Variants in THSD7A observed in about 807,000 individuals in gnomAD.
THSD7A encodes the protein thrombospondin type-1 domain-containing protein 7A.
A neutral mutation model predicts 231.3 loss-of-function variants in THSD7A; 96 were observed. That is an observed-to-expected ratio of 0.41 (90% CI 0.35 to 0.49). The LOEUF is 0.49. Among genes scored for constraint, THSD7A ranks in the 20% least tolerant of loss-of-function variants. The pLI is 0.05. For synonymous variants in THSD7A, 940 were observed against 743.3 expected, an observed-to-expected ratio of 1.26 and a Z score of -4.30; for missense variants, 2,290 against 2,070.2, an observed-to-expected ratio of 1.11 and a Z score of -2.06.
intron 4 of THSD7A, among the ~76,000 whole-genome samples, chr7:11,561,155 T>A (rs1473487271): frequency 6.6e-6 from 1 of 152,144 alleles, no homozygotes; most frequent in Non-Finnish European, 1.5e-5. Context: ...TACTACTCCA[T>A]GTAATCTTGG....
At chr7:11,566,348 C>A (rs1790323771) in intron 4 of THSD7A, among the ~76,000 whole-genome samples, 1 of 152,168 alleles carries the variant, frequency 6.6e-6, no homozygotes, top group Admixed American at 6.5e-5. Flanking sequence ...GAAGCAGATT[C>A]CTGGGTTCTA....
At chr7:11,736,297 ATTTAATATATT>A (rs1236134905) in intron 1 of THSD7A, among the ~76,000 whole-genome samples, 3 of 151,976 alleles carry the variant, frequency 2.0e-5, no homozygotes, top group Non-Finnish European at 4.4e-5. Context: ...ATTTAGTAAT[ATTTAATATATT>A]TGATGGCCAG....
At chr7:11,417,778 A>G (rs752782139) in intron 16 of THSD7A, among the ~76,000 whole-genome samples, 175 bp from the exon 17 acceptor site, 17 of 152,226 alleles carry the variant, frequency 1.1e-4, no homozygotes, top group Non-Finnish European at 2.2e-4. Flanking sequence ...ATGAAGACTT[A>G]AAAGGATCTT....
intron 8 of THSD7A, 144 bp from the exon 9 acceptor site, chr7:11,470,138 TA>T (rs1280047031): frequency 1.5e-6 from 1 of 648,982 alleles, no homozygotes; most frequent in East Asian, 2.9e-5. Flanking sequence ...TTCTTTCTGC[TA>T]CAGGCAAGAA....
chr7:11,430,358 A>G (rs1784443046), intron 13 of THSD7A, among the ~76,000 whole-genome samples: 1 of 152,148 alleles, frequency 6.6e-6, no homozygotes, highest in South Asian at 2.1e-4. Flanking sequence ...GCCACTTCCT[A>G]CTTTCCCCTT....
intron 2 of THSD7A, among the ~76,000 whole-genome samples, chr7:11,631,493 T>C (rs1781652495): frequency 6.6e-6 from 1 of 152,134 alleles, no homozygotes; most frequent in Non-Finnish European, 1.5e-5. Context: ...TATCTGCAAT[T>C]CTGGAATTTG....
chr7:11,725,905 T>C (rs981679433), intron 1 of THSD7A, among the ~76,000 whole-genome samples: 2 of 151,990 alleles, frequency 1.3e-5, no homozygotes, highest in African/African-American at 4.8e-5. Flanking sequence ...TGTTGCAACA[T>C]AAAATTTTAC....
intron 6 of THSD7A, among the ~76,000 whole-genome samples, chr7:11,496,810 A>C (rs1787121576): frequency 6.6e-6 from 1 of 152,182 alleles, no homozygotes; most frequent in South Asian, 2.1e-4. Flanking sequence ...AAAATAAACA[A>C]ATGAAAACAT....
intron 1 of THSD7A, among the ~76,000 whole-genome samples, chr7:11,787,161 G>C (rs1783817989): frequency 6.6e-6 from 1 of 152,000 alleles, no homozygotes; most frequent in African/African-American, 2.4e-5. Flanking sequence ...ATATAATAGA[G>C]AAAAGGCAAT....
At chr7:11,712,599 G>A (rs1781003278) in intron 1 of THSD7A, among the ~76,000 whole-genome samples, 1 of 148,518 alleles carries the variant, frequency 6.7e-6, no homozygotes. Context: ...CATGAGGCCA[G>A]CTATTGACCA....
At chr7:11,727,529 CA>C (rs1562509347) in intron 1 of THSD7A, among the ~76,000 whole-genome samples, 1 of 151,906 alleles carries the variant, frequency 6.6e-6, no homozygotes, top group East Asian at 1.9e-4. Context: ...TACTCTTTCT[CA>C]AAATTCATTT....
intron 6 of THSD7A, among the ~76,000 whole-genome samples, chr7:11,513,832 T>C (rs1399292975): frequency 6.6e-6 from 1 of 152,172 alleles, no homozygotes; most frequent in African/African-American, 2.4e-5. Flanking sequence ...GATGTGTTGA[T>C]TATAGTTTAT....
chr7:11,711,382 T>C (rs1236794665), intron 1 of THSD7A, among the ~76,000 whole-genome samples: 1 of 151,042 alleles, frequency 6.6e-6, no homozygotes, highest in Non-Finnish European at 1.5e-5. Context: ...CAAGTTAACA[T>C]GGCATTCCTA....
chr7:11,434,101 C>T (rs557744623), intron 13 of THSD7A, among the ~76,000 whole-genome samples: 54 of 151,990 alleles, frequency 3.6e-4, no homozygotes, highest in Non-Finnish European at 5.0e-4. Context: ...CATTCCCCTG[C>T]CTTCTCTGCT....
rs532729734 is a variant in THSD7A, at chr7:11,437,868, G to A, written c.3064+8193C>T. On this transcript the variant is annotated intron_variant, in intron 13 of 27. Transcript: ENST00000423059. ...TTACTTTATGGTTGAGTGGTCAGGT[G>A]GGTTATTCTCTACCCATATTCATGA... Among the ~76,000 whole-genome samples the A allele has an allele frequency of 1.1e-3, 161 of 152,066 alleles. 2 individuals carry two copies. Among genetic ancestry groups the A allele is most frequent in the Non-Finnish European group, 1.8e-3 (124 of 67,940 alleles).
chr7:11,410,971 G>C (rs1051173011), intron 19 of THSD7A, among the ~76,000 whole-genome samples: 5 of 151,744 alleles, frequency 3.3e-5, no homozygotes, highest in African/African-American at 1.2e-4. Flanking sequence ...ATTTCTTTCA[G>C]AATAGGCTAA....
chr7:11,481,285 G>A (rs892236735), intron 7 of THSD7A, among the ~76,000 whole-genome samples: 3 of 152,196 alleles, frequency 2.0e-5, no homozygotes, highest in South Asian at 2.1e-4. Context: ...TCTGGACCTC[G>A]GAGCCTATGT....
At chr7:11,690,669 A>G (rs1421143432) in intron 1 of THSD7A, among the ~76,000 whole-genome samples, 1 of 151,766 alleles carries the variant, frequency 6.6e-6, no homozygotes, top group Non-Finnish European at 1.5e-5. Flanking sequence ...TTAGCACCAT[A>G]AAGGCAATTA....
chr7:11,417,629 A>G, intron 16 of THSD7A, 26 bp from the exon 17 acceptor site: 1 of 1,591,418 alleles, frequency 6.3e-7, no homozygotes, highest in Non-Finnish European at 8.5e-7. Context: ...AACATATTCT[A>G]GAAAATATAC....
Sources: gnomAD v4.1 joint callset for allele counts (sites outside exome capture counted in the v4.1 genomes callset) on GRCh38, gnomAD v4.1.1 for gene constraint, MANE v1.5 for transcripts, NCBI Gene and HGNC (gene_info 2026-07-23, HGNC 2026-07-21) for gene names.